RIMS2: variants seen among roughly 807,000 people sequenced by gnomAD.
The protein encoded by RIMS2 is regulating synaptic membrane exocytosis protein 2.
RIMS2 carries 59 observed loss-of-function variants against 174.4 expected under a neutral mutation model. The observed-to-expected ratio is 0.34, with a 90% confidence interval of 0.27 to 0.42. The LOEUF is 0.42. Ranked by LOEUF, RIMS2 falls within the 10% of genes least tolerant of loss-of-function variation. The pLI, the probability that RIMS2 is intolerant of heterozygous loss-of-function variation, is 1.00. For synonymous variants in RIMS2, 606 were observed against 572.5 expected, an observed-to-expected ratio of 1.06 and a Z score of -0.84; for missense variants, 1,620 against 1,666.3, an observed-to-expected ratio of 0.97 and a Z score of 0.48.
At chr8:103,736,641 G>A (rs560675604) in intron 2 of RIMS2, among the ~76,000 whole-genome samples, 11 of 152,014 alleles carry the variant, frequency 7.2e-5, no homozygotes, top group Non-Finnish European at 1.2e-4. Context: ...AATTACTCAC[G>A]TTTGGCTCAA....
At chr8:103,576,526 A>T (rs1248442798) in intron 1 of RIMS2, among the ~76,000 whole-genome samples, 1 of 152,138 alleles carries the variant, frequency 6.6e-6, no homozygotes. Flanking sequence ...CCATATGTGA[A>T]CTCTCTTAAG....
chr8:103,528,209 A>G (rs1338630551), intron 1 of RIMS2, among the ~76,000 whole-genome samples: 1 of 149,478 alleles, frequency 6.7e-6, no homozygotes. Flanking sequence ...GTGTCTGTTC[A>G]TGTTCTTTGC....
At chr8:104,008,051 C>T (rs2095645096) in intron 17 of RIMS2, among the ~76,000 whole-genome samples, 1 of 152,072 alleles carries the variant, frequency 6.6e-6, no homozygotes, top group African/African-American at 2.4e-5. Flanking sequence ...GCTTGAGAGC[C>T]ATACCTCATC....
At chr8:104,104,968 A>T (rs1288472776) in intron 19 of RIMS2, among the ~76,000 whole-genome samples, 1 of 152,188 alleles carries the variant, frequency 6.6e-6, no homozygotes, top group Non-Finnish European at 1.5e-5. Flanking sequence ...TATATGACAC[A>T]GCATTGGAGT....
intron 19 of RIMS2, among the ~76,000 whole-genome samples, chr8:104,115,082 T>C (rs1002123614): frequency 6.6e-6 from 1 of 152,126 alleles, no homozygotes; most frequent in African/African-American, 2.4e-5. Flanking sequence ...ATTATAAATG[T>C]ATTTCAGTTT....
intron 19 of RIMS2, among the ~76,000 whole-genome samples, chr8:104,020,705 T>G (rs1186092908): frequency 6.6e-6 from 1 of 152,008 alleles, no homozygotes; most frequent in East Asian, 1.9e-4. Flanking sequence ...TGAATTATTT[T>G]AAAAACATTT....
chr8:103,594,153 A>T (rs943827091), intron 1 of RIMS2, among the ~76,000 whole-genome samples: 1 of 151,590 alleles, frequency 6.6e-6, no homozygotes, highest in Non-Finnish European at 1.5e-5. Flanking sequence ...CTCCATGTGG[A>T]TGCTCCCAGC....
chr8:104,025,695 GT>G (rs1357644452), intron 19 of RIMS2, among the ~76,000 whole-genome samples: 1 of 138,724 alleles, frequency 7.2e-6, no homozygotes, highest in African/African-American at 2.6e-5. Flanking sequence ...CCCTGAAGCA[GT>G]TGTTAAACGT....
chr8:103,725,034 T>G (rs1000552950), intron 2 of RIMS2, among the ~76,000 whole-genome samples: 1 of 152,136 alleles, frequency 6.6e-6, no homozygotes, highest in Non-Finnish European at 1.5e-5. Context: ...GACTAAAAAT[T>G]GGCCTGCTTA....
chr8:103,977,327 G>T lies in RIMS2; in HGVS notation c.2927+1821G>T, dbSNP rs900245723. On this transcript the variant is annotated intron_variant, in intron 16 of 23. Transcript: ENST00000504942. Reference sequence around the variant, plus strand: ...CAAAATTATTAAACATTTTTTAAAAGTACTTAAATGTGATACACTTATCAA... The same window carrying T: ...CAAAATTATTAAACATTTTTTAAAATTACTTAAATGTGATACACTTATCAA... 3.3e-5 allele frequency: 5 copies of T among 152,136 alleles called. No individual in the cohort carries two copies. The East Asian group carries it at 9.6e-4, about 29-fold the overall frequency. 9.4% of individuals were successfully genotyped at this position (152,136 alleles called of 1,614,324 possible). A position where few individuals can be genotyped will look rare whatever the true frequency, so the allele number is the denominator to read the frequency against.
At chr8:103,837,238 C>T (rs1397514855) in intron 3 of RIMS2, among the ~76,000 whole-genome samples, 4 of 152,198 alleles carry the variant, frequency 2.6e-5, no homozygotes, top group Non-Finnish European at 5.9e-5. Flanking sequence ...AGCATTGGCA[C>T]TTATCTGAAA....
intron 3 of RIMS2, among the ~76,000 whole-genome samples, chr8:103,835,340 A>G (rs1285960457): frequency 6.6e-6 from 1 of 151,638 alleles, no homozygotes; most frequent in Non-Finnish European, 1.5e-5. Flanking sequence ...TGACCTTGTG[A>G]TCTGCCTGAC....
intron 17 of RIMS2, among the ~76,000 whole-genome samples, chr8:104,006,773 C>G (rs917418383): frequency 2.6e-5 from 4 of 151,524 alleles, no homozygotes; most frequent in African/African-American, 9.7e-5. Flanking sequence ...ACAATTTGAC[C>G]TCTACCTCCA....
chr8:103,834,480 G>T (rs2098846175), intron 3 of RIMS2, among the ~76,000 whole-genome samples: 1 of 151,320 alleles, frequency 6.6e-6, no homozygotes, highest in Non-Finnish European at 1.5e-5. Context: ...GGGATTGTAG[G>T]GGGCATGCCA....
At chr8:103,845,046 TGTC>T (rs2098960491) in intron 3 of RIMS2, among the ~76,000 whole-genome samples, 1 of 152,134 alleles carries the variant, frequency 6.6e-6, no homozygotes, top group Non-Finnish European at 1.5e-5. Context: ...TCCATATTTC[TGTC>T]AAGTCTTTGT....
rs114243433 is a variant in RIMS2, at chr8:104,105,509, T to C, written c.3334+90894T>C. Among the ~76,000 whole-genome samples the C allele has an allele frequency of 9.5e-3, 1,453 of 152,272 alleles. 23 individuals are homozygous for C. Among genetic ancestry groups the C allele is most frequent in the African/African-American group, 0.033 (1,357 of 41,544 alleles). On this transcript the variant is annotated intron_variant, in intron 19 of 23. Transcript: ENST00000504942. ...GGGTGATCATTTCTACTAACTGATATTATTTCTAATTCAATACCATATCTC... is the reference window on the plus strand; with the variant it reads ...GGGTGATCATTTCTACTAACTGATACTATTTCTAATTCAATACCATATCTC...
At chr8:103,868,198 T>C (rs908646902) in intron 3 of RIMS2, among the ~76,000 whole-genome samples, 5 of 152,074 alleles carry the variant, frequency 3.3e-5, no homozygotes, top group Non-Finnish European at 5.9e-5. Context: ...GTTAACTAGA[T>C]AAGGTTCTAG....
chr8:104,163,892 T>C (rs2098780016), intron 19 of RIMS2, among the ~76,000 whole-genome samples: 1 of 152,068 alleles, frequency 6.6e-6, no homozygotes, highest in African/African-American at 2.4e-5. Flanking sequence ...ATGAGGAAAC[T>C]GATGGTGAGG....
intron 13 of RIMS2, among the ~76,000 whole-genome samples, chr8:103,939,932 T>C (rs2082148435): frequency 6.6e-6 from 1 of 152,196 alleles, no homozygotes; most frequent in Admixed American, 6.5e-5. Context: ...TAACTCAGCC[T>C]GGACTTTATT....
Sources: allele counts gnomAD v4.1 joint callset (sites outside exome capture counted in the v4.1 genomes callset), GRCh38; gene constraint gnomAD v4.1.1; transcripts MANE v1.5; gene names NCBI Gene and HGNC (gene_info 2026-07-23, HGNC 2026-07-21).